Variants in CACTIN observed in about 807,000 individuals in gnomAD.
CACTIN encodes the protein cactin, spliceosome C complex subunit.
In CACTIN, 20 loss-of-function variants were observed where a neutral mutation model predicts 84.9. The ratio of observed to expected loss-of-function variants is 0.24; its 90% confidence interval spans 0.17 to 0.34. The LOEUF (loss-of-function observed/expected upper bound fraction) is 0.34, where lower values mean the gene tolerates loss of function less well. Ranked by LOEUF, CACTIN falls within the 10% of genes least tolerant of loss-of-function variation. The pLI, the probability that CACTIN is intolerant of heterozygous loss-of-function variation, is 1.00. For missense variants in CACTIN, 897 were observed against 1,117.2 expected, an observed-to-expected ratio of 0.80 and a Z score of 2.81; for synonymous variants, 549 against 467.9, an observed-to-expected ratio of 1.17 and a Z score of -2.24.
intron 2 of CACTIN, among the ~76,000 whole-genome samples, chr19:3,622,714 G>A (rs1038768085): frequency 1.3e-5 from 2 of 152,186 alleles, no homozygotes; most frequent in Non-Finnish European, 2.9e-5. Flanking sequence ...ACTCCAGAAC[G>A]AAGAGATGAT....
intron 6 of CACTIN, chr19:3,616,205 G>A (rs2033103432): frequency 6.6e-6 from 1 of 152,264 alleles, no homozygotes; most frequent in Admixed American, 6.5e-5. Flanking sequence ...GGAGGCTAAT[G>A]AAGCTGAGCT....
intron 3 of CACTIN, chr19:3,620,499 C>T: frequency 1.5e-6 from 1 of 675,028 alleles, no homozygotes; most frequent in Non-Finnish European, 2.6e-6. Flanking sequence ...CTGAAGGGAG[C>T]ATGTGGGAGT....
rs145520844 is a variant in CACTIN at position 3,621,666 on chromosome 19, C to T, written c.643-864G>A. On this transcript the variant is annotated intron_variant, in intron 2 of 9. Transcript: ENST00000429344. ...CCCAGCACACCGCAGGTGCACAGCACATGGTGGCGATGAAGTGCCAGGCAG... is the reference window on the plus strand; with the variant it reads ...CCCAGCACACCGCAGGTGCACAGCATATGGTGGCGATGAAGTGCCAGGCAG... 8.9e-3 allele frequency among the ~76,000 whole-genome samples: 1,351 copies of T among 152,344 alleles called. 23 individuals carry two copies. The highest frequency in any genetic ancestry group is 0.031 in the African/African-American group (1,273 of 41,574).
chr19:3,612,094 G>A lies in CACTIN; in HGVS notation c.2106C>T (p.Asn702=), dbSNP rs2032971954. The A allele has an allele frequency of 6.2e-7, 1 of 1,613,822 alleles. No homozygotes were observed. Among genetic ancestry groups the A allele is most frequent in the African/African-American group, 1.3e-5 (1 of 75,082 alleles). Residue 702 remains asparagine (N), a synonymous_variant, in exon 10 of 10, where the codon AAC becomes AAT. Transcript: ENST00000429344. ...PEYFLEACAD[N]KDFAILRFHA... ...GGAAGCGCAGGATGGCGAAATCCTTGTTGTCGGCGCAGGCCTCCAGGAAGT... is the reference window on the plus strand; with the variant it reads ...GGAAGCGCAGGATGGCGAAATCCTTATTGTCGGCGCAGGCCTCCAGGAAGT...
At chr19:3,618,037 G>A (rs955913245) in intron 6 of CACTIN, among the ~76,000 whole-genome samples, 2 of 152,344 alleles carry the variant, frequency 1.3e-5, no homozygotes, top group Non-Finnish European at 2.9e-5. Context: ...GGCACCCAAG[G>A]CCTGAGAGGG....
chr19:3,615,366 C>G lies in CACTIN; in HGVS notation c.1163-777G>C, dbSNP rs1308791724. 6.5e-6 allele frequency: 1 copy of G among 153,616 alleles called. No individual in the cohort carries two copies. The highest frequency in any genetic ancestry group is 2.4e-5 in the African/African-American group (1 of 41,440). 9.5% of individuals were successfully genotyped at this position (153,616 alleles called of 1,614,324 possible). On this transcript the variant is annotated intron_variant, in intron 6 of 9. Coordinates refer to ENST00000429344, the MANE Select transcript of CACTIN (RefSeq NM_001080543.2). This position sits in a 1 kb window ranked among gnomAD's most constrained non-coding sequence, Gnocchi z 5.2. ...GCATCCCGGCGGCCTCAGTGCTGCT[C>G]TCAGGCCACTTCCACCCACCCCGCT...
chr19:3,613,203 G>T lies in CACTIN; in HGVS notation c.1641C>A (p.Ile547=). Residue 547 remains isoleucine, a synonymous_variant, in exon 9 of 10, where the codon ATC becomes ATA. Transcript: ENST00000429344. ...CGTCGTAGTCGTCCAGGCTCTGCTG[G>T]ATCAGGTCCTCCTCCATGAGCACCG... ...GEAVLMEEDL[I]QQSLDDYDAG... 6.2e-7 allele frequency: 1 copy of T among 1,611,510 alleles called. No homozygotes were observed. The highest frequency in any genetic ancestry group is 1.1e-5 in the South Asian group (1 of 91,074).
Position 3,623,738 on chromosome 19 carries a change from C to T in CACTIN, c.592G>A (p.Asp198Asn), listed in dbSNP as rs779038820. The T allele has an allele frequency of 2.5e-6, 4 of 1,613,662 alleles. No homozygotes were observed. The highest frequency in any genetic ancestry group is 1.1e-5 in the South Asian group (1 of 90,988). Reference sequence around the variant, plus strand: ...AGGTTGTTGTCTCCGAAGGGGTTGTCGGTGTTGGTGTAGCCCATGTACTCC... The same window carrying T: ...AGGTTGTTGTCTCCGAAGGGGTTGTTGGTGTTGGTGTAGCCCATGTACTCC... ...GEEYMGYTNT[D>N]NPFGDNNLLG... Residue 198 changes from aspartate to asparagine, a missense_variant, in exon 2 of 10, where the codon GAC becomes AAC. Around this residue, in one of 8 missense-constraint regions of CACTIN, gnomAD observed 304 missense variants for 444.3 expected, o/e 0.68. Transcript: ENST00000429344.
intron 2 of CACTIN, among the ~76,000 whole-genome samples, 160 bp downstream of exon 2, chr19:3,623,528 C>CA (rs1568296710): frequency 6.6e-6 from 1 of 152,196 alleles, no homozygotes; most frequent in Non-Finnish European, 1.5e-5. Flanking sequence ...GACCCTGTGT[C>CA]AAAAAAGAAA....
At position 3,611,593 on chromosome 19, in the gene CACTIN, G is replaced by C; in HGVS notation, c.*330C>G. 1 of 395,656 alleles carries C rather than the reference G, an allele frequency of 2.5e-6. No homozygotes were observed. Among genetic ancestry groups the C allele is most frequent in the Non-Finnish European group, 4.8e-6 (1 of 207,292 alleles). 24.5% of individuals were successfully genotyped at this position (395,656 alleles called of 1,614,324 possible). A position where few individuals can be genotyped will look rare whatever the true frequency, so the allele number is the denominator to read the frequency against. On this transcript the variant is annotated 3_prime_UTR_variant, in exon 10 of 10. Transcript: ENST00000429344. ...GGGCCCCACCCAGCCTGGCTGAGGG[G>C]CGGTGGAGAGTGTCCGCCTGGACGG... is the stretch of plus-strand genomic sequence containing the variant.
At chr19:3,617,204 A>AG (rs1326192095) in intron 6 of CACTIN, among the ~76,000 whole-genome samples, 1 of 152,236 alleles carries the variant, frequency 6.6e-6, no homozygotes, top group African/African-American at 2.4e-5. Context: ...ACCTGAACCC[A>AG]GGAAGTCGAG....
Position 3,613,228 on chromosome 19 carries a change from G to A in CACTIN, c.1616C>T (p.Ala539Val), listed in dbSNP as rs751269807. Reference protein sequence around the residue: ...GDGEGEGEGEAVLMEEDLIQQ... With the variant: ...GDGEGEGEGEVVLMEEDLIQQ... ...GATCAGGTCCTCCTCCATGAGCACCGCCTCGCCCTCGCCCTCGCCCTCACC... is the reference window on the plus strand; with the variant it reads ...GATCAGGTCCTCCTCCATGAGCACCACCTCGCCCTCGCCCTCGCCCTCACC... Residue 539 changes from alanine to valine, a missense_variant, in exon 9 of 10, where the codon GCG (alanine) becomes GTG (valine). Ala to Val is a moderately conservative substitution (Grantham distance 64). Around this residue, in one of 8 missense-constraint regions of CACTIN, gnomAD observed 243 missense variants for 239.9 expected, o/e 1.01. Transcript: ENST00000429344. 6.2e-7 allele frequency: 1 copy of A among 1,611,098 alleles called. No individual in the cohort carries two copies. The highest frequency in any genetic ancestry group is 8.5e-7 in the Non-Finnish European group (1 of 1,179,216).
Position 3,611,720 on chromosome 19 carries a change from C to T in CACTIN, c.*203G>A. On this transcript the variant is annotated 3_prime_UTR_variant, in exon 10 of 10. Transcript: ENST00000429344. ...CTAGGCCAGCCTGTCCCAGTGTCTC[C>T]TCAGCTCACCATGGCAGGCTCAATG... is the stretch of plus-strand genomic sequence containing the variant. 1 of 704,698 alleles carries T rather than the reference C, an allele frequency of 1.4e-6. No homozygotes were observed. Among genetic ancestry groups the T allele is most frequent in the South Asian group, 1.6e-5 (1 of 60,642 alleles). 43.7% of individuals were successfully genotyped at this position (704,698 alleles called of 1,614,324 possible).
chr19:3,619,008 G>C lies in CACTIN; in HGVS notation c.1048-19C>G, dbSNP rs1242616726. The C allele has an allele frequency of 3.9e-6, 6 of 1,550,664 alleles. No individual in the cohort carries two copies. Among genetic ancestry groups the C allele is most frequent in the African/African-American group, 1.4e-5 (1 of 73,184 alleles). ...TGTAGACCTGGGGGCAGGGGGCAGG[G>C]GTCAGGACACGGGTGTGGCTGGGGT... On this transcript the variant is annotated intron_variant, in intron 5 of 9. Transcript: ENST00000429344.
chr19:3,617,211 C>T (rs6510764), intron 6 of CACTIN, among the ~76,000 whole-genome samples: 3,205 of 152,312 alleles, frequency 0.021, 65 homozygotes, highest in African/African-American at 0.051. Context: ...CCCAGGAAGT[C>T]GAGGCTACAG....
chr19:3,612,396 C>T lies in CACTIN; in HGVS notation c.1804G>A (p.Ala602Thr). 2 of 1,597,844 alleles carry T rather than the reference C, an allele frequency of 1.3e-6. No homozygotes were observed. Among genetic ancestry groups the T allele is most frequent in the South Asian group, 1.1e-5 (1 of 90,678 alleles). ...LQVTGDASES[A>T]EDIFFRRAKE... ...GCCCGCCGGAAGAAGATGTCCTCGG[C>T]GCTCTCGCTGGCGTCTCCTGCGGGC... Residue 602 changes from alanine (A) to threonine (T), a missense_variant, in exon 10 of 10, where the codon GCC becomes ACC. Coordinates refer to ENST00000429344, the MANE Select transcript of CACTIN (RefSeq NM_001080543.2).
chr19:3,626,455 C>T (rs922880996), intron 1 of CACTIN, 141 bp downstream of exon 1: 3 of 981,166 alleles, frequency 3.1e-6, no homozygotes, highest in African/African-American at 3.4e-5. Flanking sequence ...TAATTCCAAC[C>T]GGTGGTCAAT....
intron 6 of CACTIN, chr19:3,614,942 A>G (rs1223786130): frequency 5.3e-6 from 2 of 374,992 alleles, no homozygotes; most frequent in African/African-American, 2.1e-5. Flanking sequence ...CGGCCCACCA[A>G]CCTGGCCCAA....
chr19:3,618,174 G>T (rs1451731869), intron 6 of CACTIN, among the ~76,000 whole-genome samples: 1 of 54,664 alleles, frequency 1.8e-5, no homozygotes, highest in Non-Finnish European at 4.1e-5. Flanking sequence ...TTGGCTTTTA[G>T]ACCGGGGGGG....
Sources: allele counts gnomAD v4.1 joint callset (sites outside exome capture counted in the v4.1 genomes callset), GRCh38; gene constraint gnomAD v4.1.1; regional missense constraint gnomAD v4.1.1; non-coding constraint Gnocchi (gnomAD v3.1); transcripts MANE v1.5; gene names NCBI Gene and HGNC (gene_info 2026-07-23, HGNC 2026-07-21).